NCS1: variants seen among roughly 807,000 people sequenced by gnomAD.
The protein encoded by NCS1 is frequenin homolog.
Under a neutral mutation model 28.4 loss-of-function variants are expected in NCS1, and 6 were observed. The observed-to-expected ratio is 0.21, with a 90% CI of 0.12 to 0.42. The LOEUF is 0.42. Ranked by LOEUF, NCS1 falls within the 10% of genes least tolerant of loss-of-function variation. The probability of loss-of-function intolerance (pLI) is 1.00; values close to 1 mark genes in which losing one functional copy is unlikely to be tolerated. For missense variants in NCS1, 131 were observed against 241.4 expected, an observed-to-expected ratio of 0.54 and a Z score of 3.03; for synonymous variants, 86 against 99.3, an observed-to-expected ratio of 0.87 and a Z score of 0.79.
chr9:130,187,267 GTCTGTGCCTC>G lies in NCS1; in HGVS notation c.65-13682_65-13673del, dbSNP rs1220618538. On this transcript the variant is annotated intron_variant, in intron 1 of 7. Transcript: ENST00000372398. ...GCTCTGGCCAGGCTGATGTGTCCGA[GTCTGTGCCTC>G]TCTGTGCCCCGTCGCTGCCATCCCT... is the stretch of plus-strand genomic sequence containing the variant. Among the ~76,000 whole-genome samples, 9 of 152,168 alleles carry G rather than the reference GTCTGTGCCTC, an allele frequency of 5.9e-5. No homozygotes were observed. The South Asian group carries it at 1.0e-3, about 17-fold the overall frequency.
chr9:130,196,882 C>T (rs1437590589), intron 1 of NCS1, among the ~76,000 whole-genome samples: 3 of 152,226 alleles, frequency 2.0e-5, no homozygotes, highest in East Asian at 1.9e-4. Flanking sequence ...CAGTTTTTTC[C>T]TGCTGATCTG....
rs951078988 is a variant in NCS1 at position 130,181,876 on chromosome 9, G to A, written c.64+9149G>A. Among the ~76,000 whole-genome samples the A allele has an allele frequency of 6.6e-6, 1 of 152,094 alleles. No homozygotes were observed. The highest frequency in any genetic ancestry group is 1.5e-5 in the Non-Finnish European group (1 of 68,004). On this transcript the variant is annotated intron_variant, in intron 1 of 7. Transcript: ENST00000372398. The surrounding 1 kb of genome is among the most constrained non-coding windows in gnomAD (Gnocchi z 5.0). The stretch of plus-strand genomic sequence containing the variant: ...CGGGCACTCCTGTGCGCACGCGTGT[G>A]GTGGTGTGTGAGGGCAGCTCTGTAC...
chr9:130,229,926 A>G (rs901042315), intron 7 of NCS1, among the ~76,000 whole-genome samples: 4 of 152,192 alleles, frequency 2.6e-5, no homozygotes, highest in African/African-American at 9.7e-5. Flanking sequence ...CTTATTTTCC[A>G]CATCATTAAA....
intron 7 of NCS1, among the ~76,000 whole-genome samples, chr9:130,231,996 G>A (rs1414856217): frequency 6.6e-6 from 1 of 151,970 alleles, no homozygotes; most frequent in Non-Finnish European, 1.5e-5. Flanking sequence ...TCCCAGGCTG[G>A]AGTGCAGTGA....
intron 6 of NCS1, among the ~76,000 whole-genome samples, chr9:130,223,812 G>T (rs1435743308): frequency 6.6e-6 from 1 of 152,050 alleles, no homozygotes; most frequent in Admixed American, 6.6e-5. Flanking sequence ...TAGACCTGCT[G>T]ACTTCTATCC....
intron 1 of NCS1, among the ~76,000 whole-genome samples, chr9:130,197,369 T>C (rs950893945): frequency 7.9e-5 from 12 of 152,184 alleles, no homozygotes; most frequent in African/African-American, 2.9e-4. Context: ...CACTGGACAC[T>C]GGACAGAGAA....
At chr9:130,185,405 G>T (rs936558052) in intron 1 of NCS1, among the ~76,000 whole-genome samples, 1 of 152,248 alleles carries the variant, frequency 6.6e-6, no homozygotes, top group African/African-American at 2.4e-5. Context: ...TTCCGTTTCT[G>T]TCCAGCCCTC....
chr9:130,196,431 C>A (rs1266353540), intron 1 of NCS1, among the ~76,000 whole-genome samples: 1 of 152,204 alleles, frequency 6.6e-6, no homozygotes, highest in African/African-American at 2.4e-5. Context: ...ACCCTCACCC[C>A]TGAATAGCTC....
At chr9:130,214,089 C>T (rs914708134) in intron 2 of NCS1, among the ~76,000 whole-genome samples, 2 of 152,186 alleles carry the variant, frequency 1.3e-5, no homozygotes, top group African/African-American at 4.8e-5. Context: ...AGGCCTCATG[C>T]GGGTCATCAG....
intron 4 of NCS1, among the ~76,000 whole-genome samples, chr9:130,221,880 TAATAC>T (rs1564713894): frequency 2.8e-4 from 1 of 3,602 alleles, no homozygotes; most frequent in Non-Finnish European, 6.1e-4. Context: ...TATATATACA[TAATAC>T]ATAAATATAA....
intron 1 of NCS1, among the ~76,000 whole-genome samples, chr9:130,195,813 G>T (rs1554906775): frequency 6.6e-6 from 1 of 152,210 alleles, no homozygotes; most frequent in African/African-American, 2.4e-5. Flanking sequence ...AGGCCTGGAG[G>T]CTGGAACGGT....
intron 1 of NCS1, 31 bp downstream of exon 1, chr9:130,172,758 C>G (rs181147470): frequency 7.3e-7 from 1 of 1,374,348 alleles, no homozygotes; most frequent in Non-Finnish European, 9.7e-7. Flanking sequence ...GCCCGCGCCC[C>G]GCGGTCACCC....
At chr9:130,225,741 C>T (rs76164740) in intron 6 of NCS1, among the ~76,000 whole-genome samples, 6,884 of 152,306 alleles carry the variant, frequency 0.045, 511 homozygotes, top group African/African-American at 0.15. Flanking sequence ...CTGAGCACAG[C>T]TCGGTTGTGC....
In NCS1 at chr9:130,219,891, T is replaced by C. The variant is rs1588123635; in HGVS notation, c.307+88T>C. The stretch of plus-strand genomic sequence containing the variant: ...GCCCTCGGCCCTCACCAGGCAGGGG[T>C]GCCAGACACCCACTGCAGTGACCAC... On this transcript the variant is annotated intron_variant, in intron 4 of 7. Transcript: ENST00000372398. The surrounding 1 kb of genome is among the most constrained non-coding windows in gnomAD (Gnocchi z 5.7). 6.6e-6 allele frequency: 9 copies of C among 1,363,802 alleles called. No individual in the cohort carries two copies. The highest frequency in any genetic ancestry group is 1.7e-5 in the Admixed American group (1 of 57,800). The allele number at this position is 1,363,802 out of a possible 1,614,324, so 84.5% of individuals were successfully genotyped here.
chr9:130,212,433 A>G (rs1833125397), intron 2 of NCS1, among the ~76,000 whole-genome samples: 1 of 150,818 alleles, frequency 6.6e-6, no homozygotes, highest in East Asian at 2.0e-4. Context: ...TATGCACAGG[A>G]CAGGCCTGCA....
intron 7 of NCS1, among the ~76,000 whole-genome samples, chr9:130,231,445 G>A (rs190134951): frequency 2.0e-5 from 3 of 151,980 alleles, no homozygotes; most frequent in East Asian, 3.9e-4. Flanking sequence ...GTGCAATGAC[G>A]TGATCTTGGC....
In NCS1 at chr9:130,192,361, C is replaced by T. The variant is rs1461601898; in HGVS notation, c.65-8597C>T. On this transcript the variant is annotated intron_variant, in intron 1 of 7. Transcript: ENST00000372398. This position sits in a 1 kb window ranked among gnomAD's most constrained non-coding sequence, Gnocchi z 4.8. The stretch of plus-strand genomic sequence containing the variant: ...GTCGAGGGTTAATGAGTCTGGGGCC[C>T]GGCCACGTTGTCTGGCCCAGAGCCT... Among the ~76,000 whole-genome samples the T allele has an allele frequency of 2.6e-5, 4 of 152,074 alleles. No homozygotes were observed. Among genetic ancestry groups the T allele is most frequent in the African/African-American group, 4.8e-5 (2 of 41,408 alleles).
At position 130,226,522 on chromosome 9, in the gene NCS1, G is replaced by T. The variant is rs1554911420; in HGVS notation, c.*17+18G>T. 5 of 1,580,172 alleles carry T rather than the reference G, an allele frequency of 3.2e-6. No individual in the cohort carries two copies. The highest frequency in any genetic ancestry group is 2.6e-6 in the Non-Finnish European group (3 of 1,155,334). ...GGAGCTGGGTGAGTGCAGACTCGGG[G>T]CCTGGGGTGGGTCTGGGATGGGTCA... is the stretch of plus-strand genomic sequence containing the variant. On this transcript the variant is annotated intron_variant, in intron 7 of 7. Coordinates refer to ENST00000372398, the MANE Select transcript of NCS1 (RefSeq NM_014286.4). This position sits in a 1 kb window ranked among gnomAD's most constrained non-coding sequence, Gnocchi z 4.8.
intron 1 of NCS1, among the ~76,000 whole-genome samples, chr9:130,183,285 C>T (rs117042323): frequency 0.043 from 6,454 of 150,296 alleles, 180 homozygotes; most frequent in Admixed American, 0.068. Flanking sequence ...TTCTCAGCTC[C>T]GGGTGCCCTG....
Sources: allele counts gnomAD v4.1 joint callset (sites outside exome capture counted in the v4.1 genomes callset), GRCh38; gene constraint gnomAD v4.1.1; non-coding constraint Gnocchi (gnomAD v3.1); transcripts MANE v1.5; gene names NCBI Gene and HGNC (gene_info 2026-07-23, HGNC 2026-07-21).